Variants in HMCN1 observed in about 807,000 individuals in gnomAD.
The protein encoded by HMCN1 is hemicentin-1.
A neutral mutation model predicts 625.9 loss-of-function variants in HMCN1; 321 were observed. That is an observed-to-expected ratio of 0.51 (90% confidence interval 0.47 to 0.56). HMCN1 has a LOEUF of 0.56. Among genes scored for constraint, HMCN1 ranks in the 20% least tolerant of loss-of-function variants. The pLI, the probability that HMCN1 is intolerant of heterozygous loss-of-function variation, is 0.00. For missense variants in HMCN1, 6,588 were observed against 6,887.3 expected (o/e 0.96, Z 1.54); for synonymous variants, 2,425 against 2,417.6 (o/e 1.00, Z -0.09).
rs1653689948 is a variant in HMCN1 at position 186,007,141 on chromosome 1, G to A, written c.4489G>A (p.Gly1497Ser). The change falls in exon 30 of 107, where the codon GGC becomes AGC. Residue 1497 changes from glycine (G) to serine (S), a missense_variant. Around this residue, in one of 3 missense-constraint regions of HMCN1, gnomAD observed 4,628 missense variants for 4,853.1 expected, o/e 0.95. Transcript: ENST00000271588. ...WFKDGKPLFL[G>S]DPNVELLDRG... is the part of the protein sequence containing the mutation. ...TATTTTTTCTAGGCCTTTATTTTTG[G>A]GCGATCCTAATGTTGAACTTCTAGA... is the stretch of plus-strand genomic sequence containing the variant. 1.2e-6 allele frequency: 2 copies of A among 1,612,032 alleles called. No individual in the cohort carries two copies. The highest frequency in any genetic ancestry group is 8.5e-7 in the Non-Finnish European group (1 of 1,178,596).
At chr1:185,818,540 A>G (rs1047063773) in intron 1 of HMCN1, among the ~76,000 whole-genome samples, 1 of 152,194 alleles carries the variant, frequency 6.6e-6, no homozygotes. Flanking sequence ...TCAGATGTGA[A>G]TTGAGTAGAA....
At chr1:185,950,138 G>A (rs1668567664) in intron 11 of HMCN1, among the ~76,000 whole-genome samples, 1 of 151,484 alleles carries the variant, frequency 6.6e-6, no homozygotes, top group Admixed American at 6.6e-5. Flanking sequence ...CAGTCATGGG[G>A]GTCAGGTGTG....
chr1:185,937,264 T>C (rs1351755049), intron 11 of HMCN1, among the ~76,000 whole-genome samples: 1 of 152,194 alleles, frequency 6.6e-6, no homozygotes. Flanking sequence ...GGGTAATTTA[T>C]AATGAACAGA....
chr1:186,179,497 C>T (rs1435408464), intron 104 of HMCN1, among the ~76,000 whole-genome samples: 1 of 152,074 alleles, frequency 6.6e-6, no homozygotes, highest in Non-Finnish European at 1.5e-5. Flanking sequence ...CTGTGAACAT[C>T]TACAATTAGC....
intron 1 of HMCN1, among the ~76,000 whole-genome samples, chr1:185,787,058 A>G (rs1360429373): frequency 6.6e-6 from 1 of 151,884 alleles, no homozygotes; most frequent in Non-Finnish European, 1.5e-5. Context: ...TTAAATTTGA[A>G]CCTATGAGGT....
At chr1:185,768,263 G>A (rs1300510531) in intron 1 of HMCN1, among the ~76,000 whole-genome samples, 5 of 152,144 alleles carry the variant, frequency 3.3e-5, no homozygotes, top group Non-Finnish European at 7.3e-5. Context: ...TACATTTAAT[G>A]AATATTTTCA....
intron 24 of HMCN1, among the ~76,000 whole-genome samples, chr1:185,995,703 TA>T (rs1044421044): frequency 2.0e-5 from 3 of 152,026 alleles, no homozygotes; most frequent in Admixed American, 6.6e-5. Context: ...GAAATTAAAA[TA>T]AGACAATGGT....
At chr1:185,877,450 C>CT (rs1434939551) in intron 4 of HMCN1, among the ~76,000 whole-genome samples, 1 of 142,478 alleles carries the variant, frequency 7.0e-6, no homozygotes, top group Non-Finnish European at 1.5e-5. Context: ...CTATAGGGCT[C>CT]TTTTTTGGTT....
At position 186,093,222 on chromosome 1, in the gene HMCN1, G is replaced by A. The variant is rs780769460; in HGVS notation, c.9976G>A (p.Gly3326Arg). ...KYTCVATNPA[G>R]EEDRIFNLNV... ...CACATGTGTTGCTACTAATCCCGCT[G>A]GAGAAGAAGACCGAATTTTTAACTT... Residue 3326 changes from glycine to arginine, a missense_variant, in exon 65 of 107, where the codon GGA becomes AGA. Transcript: ENST00000271588. 1 of 1,613,330 alleles carries A rather than the reference G, an allele frequency of 6.2e-7. No homozygotes were observed. Among genetic ancestry groups the A allele is most frequent in the Non-Finnish European group, 8.5e-7 (1 of 1,179,558 alleles).
At chr1:186,123,947 A>G (rs1314991026) in intron 81 of HMCN1, among the ~76,000 whole-genome samples, 1 of 152,130 alleles carries the variant, frequency 6.6e-6, no homozygotes, top group South Asian at 2.1e-4. Flanking sequence ...ATAGTAACAG[A>G]GACAATTTTG....
chr1:185,868,496 A>C (rs1256404234), intron 4 of HMCN1, among the ~76,000 whole-genome samples: 1 of 152,000 alleles, frequency 6.6e-6, no homozygotes, highest in African/African-American at 2.4e-5. Context: ...ACAAGATCTG[A>C]TGGTTTTATA....
chr1:186,020,994 T>C (rs530557044), intron 35 of HMCN1, among the ~76,000 whole-genome samples: 1 of 152,198 alleles, frequency 6.6e-6, no homozygotes, highest in South Asian at 2.1e-4. Context: ...GCATTTTAAG[T>C]AGTCATCCAG....
At chr1:186,107,894 C>T (rs979705290) in intron 70 of HMCN1, among the ~76,000 whole-genome samples, 1 of 151,942 alleles carries the variant, frequency 6.6e-6, no homozygotes, top group African/African-American at 2.4e-5. Flanking sequence ...AGGAATTATT[C>T]TTTATGGGGA....
chr1:185,883,783 A>C (rs1000348071), intron 4 of HMCN1, among the ~76,000 whole-genome samples: 4 of 150,536 alleles, frequency 2.7e-5, no homozygotes, highest in Admixed American at 6.6e-5. Context: ...CTGTGGTTTT[A>C]ATTTGGATTC....
At chr1:186,097,022 G>A (rs1022891606) in intron 68 of HMCN1, among the ~76,000 whole-genome samples, 1 of 152,102 alleles carries the variant, frequency 6.6e-6, no homozygotes, top group Admixed American at 6.6e-5. Context: ...ATTAGACATA[G>A]TATTGAAGTC....
chr1:185,953,491 T>C (rs886195618), intron 11 of HMCN1, among the ~76,000 whole-genome samples: 1 of 151,554 alleles, frequency 6.6e-6, no homozygotes, highest in African/African-American at 2.4e-5. Flanking sequence ...TACCAGAAAA[T>C]ACCAGAAAAT....
intron 1 of HMCN1, among the ~76,000 whole-genome samples, chr1:185,836,979 A>G (rs377493458): frequency 5.8e-4 from 87 of 150,994 alleles, no homozygotes; most frequent in African/African-American, 2.1e-3. Context: ...TTATGACTGC[A>G]TGGTATTCTA....
chr1:185,836,353 G>A (rs1284403164), intron 1 of HMCN1, among the ~76,000 whole-genome samples: 4 of 152,018 alleles, frequency 2.6e-5, no homozygotes, highest in Non-Finnish European at 1.5e-5. Context: ...TTACTCTGGT[G>A]TTACCTTTCA....
At chr1:186,157,874 T>C (rs1438987379) in intron 97 of HMCN1, among the ~76,000 whole-genome samples, 1 of 152,174 alleles carries the variant, frequency 6.6e-6, no homozygotes, top group African/African-American at 2.4e-5. Context: ...AAGTCTTTGC[T>C]ATTGTGAATA....
Sources: allele counts gnomAD v4.1 joint callset (sites outside exome capture counted in the v4.1 genomes callset), GRCh38; gene constraint gnomAD v4.1.1; regional missense constraint gnomAD v4.1.1; transcripts MANE v1.5; gene names NCBI Gene and HGNC (gene_info 2026-07-23, HGNC 2026-07-21).